The following KCNT1 variants were observed in gnomAD, a reference collection of about 807,000 sequenced individuals.
The protein encoded by KCNT1 is potassium sodium-activated channel subfamily T member 1.
Under a neutral mutation model 147.8 loss-of-function variants are expected in KCNT1, and 78 were observed. That is an observed-to-expected ratio of 0.53 (90% CI 0.44 to 0.64). KCNT1 has a LOEUF of 0.64. Ranked by LOEUF, KCNT1 falls within the 30% of genes least tolerant of loss-of-function variation. The probability of loss-of-function intolerance (pLI) is 0.00; values close to 1 mark genes in which losing one functional copy is unlikely to be tolerated. For missense variants in KCNT1, 1,419 were observed against 1,750.3 expected (o/e 0.81, Z 3.38); for synonymous variants, 867 against 748.8 (o/e 1.16, Z -2.58).
rs149908455 is a variant in KCNT1 at position 135,755,122 on chromosome 9, G to A, written c.493G>A (p.Ala165Thr). The A allele has an allele frequency of 1.2e-6, 2 of 1,611,150 alleles. No individual in the cohort carries two copies. Among genetic ancestry groups the A allele is most frequent in the Non-Finnish European group, 8.5e-7 (1 of 1,178,576 alleles). The change falls in exon 6 of 31, where the codon GCT (alanine) becomes ACT (threonine). Residue 165 changes from alanine (A) to threonine (T), a missense_variant and splice_region_variant. Transcript: ENST00000371757. ...FNDSSSEINW[A>T]PILWVERKMT... ...GTGCTGCCTCCTTTCTCTTCCCAGG[G>A]CTCCTATTCTGTGGGTGGAGAGAAA... is the stretch of plus-strand genomic sequence containing the variant.
At chr9:135,727,362 TCTCTCTCTCCCTCTCC>T (rs1836255018) in intron 2 of KCNT1, among the ~76,000 whole-genome samples, 3 of 124,912 alleles carry the variant, frequency 2.4e-5, no homozygotes, top group Non-Finnish European at 5.0e-5. Flanking sequence ...TCCCATTCTC[TCTCTCTCTCCCTCTCC>T]CTCTCTCTCC....
chr9:135,705,434 G>A (rs1835212429), intron 1 of KCNT1, among the ~76,000 whole-genome samples: 1 of 152,244 alleles, frequency 6.6e-6, no homozygotes, highest in Non-Finnish European at 1.5e-5. Context: ...TGTGAACCTG[G>A]GCGCTCCGTG....
intron 2 of KCNT1, among the ~76,000 whole-genome samples, chr9:135,715,232 TA>T (rs1431190325): frequency 6.6e-6 from 1 of 152,198 alleles, no homozygotes; most frequent in African/African-American, 2.4e-5. Context: ...TCTCCTGGGC[TA>T]AAAAGGCAAA....
chr9:135,768,463 C>A, intron 13 of KCNT1, 147 bp from the exon 14 acceptor site: 1 of 615,356 alleles, frequency 1.6e-6, no homozygotes, highest in Non-Finnish European at 2.9e-6. Flanking sequence ...TCTCCGCCTT[C>A]CATCCAGCCG....
At chr9:135,746,959 G>C (rs764506054) in intron 2 of KCNT1, among the ~76,000 whole-genome samples, 9 of 152,118 alleles carry the variant, frequency 5.9e-5, no homozygotes, top group Non-Finnish European at 1.2e-4. Flanking sequence ...TGGTTGGCCT[G>C]GTGCCATCAG....
chr9:135,704,488 C>T (rs1835168637), intron 1 of KCNT1, among the ~76,000 whole-genome samples: 1 of 152,110 alleles, frequency 6.6e-6, no homozygotes, highest in African/African-American at 2.4e-5. Flanking sequence ...TCCCTGCTCC[C>T]ACCTCCATGC....
At chr9:135,745,588 C>G (rs1830787562) in intron 2 of KCNT1, among the ~76,000 whole-genome samples, 1 of 152,216 alleles carries the variant, frequency 6.6e-6, no homozygotes, top group Non-Finnish European at 1.5e-5. Flanking sequence ...AGCCTGTGAG[C>G]AAGGGCGTCG....
chr9:135,764,958 G>A, intron 11 of KCNT1, 73 bp from the exon 12 acceptor site: 2 of 1,508,990 alleles, frequency 1.3e-6, no homozygotes, highest in Non-Finnish European at 1.8e-6. Flanking sequence ...CGTGTGTCAG[G>A]GCCCAGGTTC....
At position 135,765,641 on chromosome 9, in the gene KCNT1, C is replaced by T. The variant is rs753192971; in HGVS notation, c.1218C>T (p.Ile406=). ...HPRLQDYYVV[I]LCPTEMDVQV... ...GCCGGCAGGACTATTACGTGGTCAT[C>T]CTGTGCCCCACGGAGATGGATGTCC... is the stretch of plus-strand genomic sequence containing the variant. Residue 406 remains isoleucine, a synonymous_variant, in exon 13 of 31, where the codon ATC becomes ATT. Transcript: ENST00000371757. 3 of 1,610,656 alleles carry T rather than the reference C, an allele frequency of 1.9e-6. No individual in the cohort carries two copies. Among genetic ancestry groups the T allele is most frequent in the Admixed American group, 3.3e-5 (2 of 59,880 alleles).
chr9:135,770,249 G>C, intron 16 of KCNT1, 49 bp from the exon 17 acceptor site: 1 of 1,549,498 alleles, frequency 6.5e-7, no homozygotes. Context: ...GGGAGAAGGG[G>C]CAGCCATGGC....
At chr9:135,715,048 G>A (rs1835666949) in intron 2 of KCNT1, among the ~76,000 whole-genome samples, 1 of 152,196 alleles carries the variant, frequency 6.6e-6, no homozygotes, top group African/African-American at 2.4e-5. Context: ...TCTGGTTTTG[G>A]GGGCAAGCCA....
chr9:135,768,544 C>T (rs1832494438), intron 13 of KCNT1, 66 bp from the exon 14 acceptor site: 2 of 1,357,476 alleles, frequency 1.5e-6, no homozygotes, highest in African/African-American at 1.4e-5. Context: ...CACCTCACCT[C>T]CGCACCCCCG....
chr9:135,774,680 G>T (rs554100049), intron 19 of KCNT1, among the ~76,000 whole-genome samples: 3 of 152,198 alleles, frequency 2.0e-5, no homozygotes, highest in African/African-American at 4.8e-5. Context: ...GTCCGTGCAC[G>T]TGGTGCACGT....
rs1178088678 is a variant in KCNT1 at position 135,771,529 on chromosome 9, G to A, written c.2008+434G>A. On this transcript the variant is annotated intron_variant, in intron 18 of 30. Coordinates refer to ENST00000371757, the MANE Select transcript of KCNT1 (RefSeq NM_020822.3). The stretch of plus-strand genomic sequence containing the variant: ...GGACCGGTTGGCAGCTCAACCGGAG[G>A]CTCCTGGTGGTCCCATCAGCCCGGA... Among the ~76,000 whole-genome samples, 5 of 152,366 alleles carry A rather than the reference G, an allele frequency of 3.3e-5. No individual in the cohort carries two copies. The East Asian group carries it at 9.6e-4, about 29-fold the overall frequency.
intron 22 of KCNT1, 27 bp from the exon 23 acceptor site, chr9:135,778,661 G>A (rs773980553): frequency 1.2e-6 from 2 of 1,612,854 alleles, no homozygotes; most frequent in Non-Finnish European, 8.5e-7. Flanking sequence ...CGCATCCTCA[G>A]CCACGGGCCC....
At chr9:135,755,259 G>A in intron 6 of KCNT1, 90 bp downstream of exon 6, 1 of 1,135,294 alleles carries the variant, frequency 8.8e-7, no homozygotes, top group Non-Finnish European at 1.2e-6. Flanking sequence ...GGGAACCCAG[G>A]CTCGGTGAGC....
chr9:135,786,643 T>C (rs1191520743), intron 29 of KCNT1, 122 bp downstream of exon 29: 1 of 971,702 alleles, frequency 1.0e-6, no homozygotes, highest in African/African-American at 1.7e-5. Context: ...GTCATCTGTC[T>C]GTCTGTCAGC....
At chr9:135,758,892 C>T (rs1268935936) in intron 10 of KCNT1, among the ~76,000 whole-genome samples, 1 of 151,912 alleles carries the variant, frequency 6.6e-6, no homozygotes, top group Admixed American at 6.6e-5. Context: ...GCTGCGAGGG[C>T]CTCCAGCCCA....
intron 2 of KCNT1, among the ~76,000 whole-genome samples, chr9:135,721,798 T>C (rs1412460506): frequency 2.0e-5 from 3 of 152,210 alleles, no homozygotes; most frequent in Non-Finnish European, 2.9e-5. Flanking sequence ...CCCACTCGAC[T>C]GTGGACAGGG....
Sources: gnomAD v4.1 joint callset for allele counts (sites outside exome capture counted in the v4.1 genomes callset) on GRCh38, gnomAD v4.1.1 for gene constraint, MANE v1.5 for transcripts, NCBI Gene and HGNC (gene_info 2026-07-23, HGNC 2026-07-21) for gene names.